SP140L: variants seen among roughly 807,000 people sequenced by gnomAD.
SP140L encodes the protein SP140 like nuclear body protein.
In SP140L, 64 loss-of-function variants were observed where a neutral mutation model predicts 84.3. The ratio of observed to expected loss-of-function variants is 0.76; its 90% CI spans 0.62 to 0.94. The LOEUF (loss-of-function observed/expected upper bound fraction) is 0.94. Among genes scored for constraint, SP140L ranks in the 40% least tolerant of loss-of-function variants. The pLI is 0.00. For missense variants in SP140L, 628 were observed against 692.5 expected (o/e 0.91, Z 1.05); for synonymous variants, 242 against 236.9 (o/e 1.02, Z -0.20).
chr2:230,396,006 T>A (rs981912364), intron 13 of SP140L, among the ~76,000 whole-genome samples: 1 of 152,220 alleles, frequency 6.6e-6, no homozygotes, highest in African/African-American at 2.4e-5. Context: ...TGGGACACTT[T>A]CATGGCCTCC....
At position 230,370,902 on chromosome 2, in the gene SP140L, T is replaced by C. The variant is rs749643571; in HGVS notation, c.524-6T>C. 1.2e-6 allele frequency: 2 copies of C among 1,613,286 alleles called. No homozygotes were observed. Among genetic ancestry groups the C allele is most frequent in the Admixed American group, 3.3e-5 (2 of 59,868 alleles). ...GAGAAGTGTTCCTATGTCATGTGTT[T>C]CTCAGGAGAAGTGCCAGAAAGCCCG... On this transcript the variant is annotated splice_region_variant and splice_polypyrimidine_tract_variant and intron_variant, in intron 5 of 18. Transcript: ENST00000415673.
At chr2:230,400,270 C>T in intron 15 of SP140L, 28 bp downstream of exon 15, 1 of 1,609,424 alleles carries the variant, frequency 6.2e-7, no homozygotes, top group Non-Finnish European at 8.5e-7. Context: ...ACCTCTCTTT[C>T]ATCCTTTAAG....
chr2:230,334,979 G>T (rs2059827595), intron 2 of SP140L, among the ~76,000 whole-genome samples: 1 of 151,934 alleles, frequency 6.6e-6, no homozygotes, highest in Non-Finnish European at 1.5e-5. Flanking sequence ...GTAGAAAGTT[G>T]TATCGAAATT....
At chr2:230,358,632 CCA>C (rs1345946890) in intron 3 of SP140L, among the ~76,000 whole-genome samples, 1 of 152,110 alleles carries the variant, frequency 6.6e-6, no homozygotes, top group Non-Finnish European at 1.5e-5. Context: ...AACAAAACAG[CCA>C]CTCATTGATT....
rs1395327196 is a variant in SP140L at position 230,327,197 on chromosome 2, T to C, written c.-73T>C. 4 of 1,531,996 alleles carry C rather than the reference T, an allele frequency of 2.6e-6. No homozygotes were observed. The highest frequency in any genetic ancestry group is 3.6e-6 in the Non-Finnish European group (4 of 1,125,540). 94.9% of individuals were successfully genotyped at this position (1,531,996 alleles called of 1,614,324 possible). Reference sequence around the variant, plus strand: ...CTGCTCCGGGTCAGGGCAGCCACACTGCACGCAGGCTGGGCCGACTGGGGA... The same window carrying C: ...CTGCTCCGGGTCAGGGCAGCCACACCGCACGCAGGCTGGGCCGACTGGGGA... On this transcript the variant is annotated 5_prime_UTR_variant, in exon 1 of 19. Transcript: ENST00000415673.
At chr2:230,346,652 T>A (rs2060218089) in intron 2 of SP140L, among the ~76,000 whole-genome samples, 1 of 152,210 alleles carries the variant, frequency 6.6e-6, no homozygotes, top group Admixed American at 6.5e-5. Flanking sequence ...TTTCTTCTGC[T>A]TAAGTAAGCT....
Position 230,401,433 on chromosome 2 carries a change from A to G in SP140L, c.1490A>G (p.Tyr497Cys), listed in dbSNP as rs1313432915. 3.6e-5 allele frequency: 55 copies of G among 1,530,612 alleles called. No homozygotes were observed. The highest frequency in any genetic ancestry group is 5.5e-5 in the Admixed American group (3 of 54,428). 94.8% of individuals were successfully genotyped at this position (1,530,612 alleles called of 1,614,324 possible). The change falls in exon 17 of 19, where the codon TAC (tyrosine) becomes TGC (cysteine). Residue 497 changes from tyrosine to cysteine, a missense_variant. Physicochemically the swap from Tyr to Cys is radical, Grantham distance 194 (BLOSUM62 -2). This residue lies in a region of SP140L where 52 missense variants were observed against 87.0 expected (regional missense o/e 0.60). Transcript: ENST00000415673. ...AGCTCCTTTTTTGCCAAGATTCCATACTATTATTATGTAAGTAACAACAGC... is the reference window on the plus strand; with the variant it reads ...AGCTCCTTTTTTGCCAAGATTCCATGCTATTATTATGTAAGTAACAACAGC... ...SESSFFAKIP[Y>C]YYYIREACQG... is the part of the protein sequence containing the mutation.
At chr2:230,397,048 G>C (rs1018748566) in intron 14 of SP140L, among the ~76,000 whole-genome samples, 1 of 152,164 alleles carries the variant, frequency 6.6e-6, no homozygotes, top group Non-Finnish European at 1.5e-5. Context: ...ATTCCCTTGG[G>C]TAGTGAGTAT....
intron 15 of SP140L, chr2:230,400,708 G>A: frequency 1.2e-6 from 1 of 840,204 alleles, no homozygotes; most frequent in South Asian, 1.8e-5. Flanking sequence ...CTCAGACAGG[G>A]AAAGGATAGT....
At chr2:230,356,507 A>G (rs4972949) in intron 2 of SP140L, among the ~76,000 whole-genome samples, 18,553 of 152,278 alleles carry the variant, frequency 0.12, 1,178 homozygotes, top group Middle Eastern at 0.15. Context: ...GCTCATTTAT[A>G]TGAAATCCAA....
At chr2:230,376,009 T>A (rs1366631668) in intron 7 of SP140L, among the ~76,000 whole-genome samples, 1 of 152,208 alleles carries the variant, frequency 6.6e-6, no homozygotes, top group Non-Finnish European at 1.5e-5. Context: ...AGTTTTTCCC[T>A]GTTTTCTTCT....
At chr2:230,359,988 T>TTGGTATTGGTGCTATACCAAACTAAAGTG (rs1210965833) in intron 4 of SP140L, among the ~76,000 whole-genome samples, 4 of 151,196 alleles carry the variant, frequency 2.6e-5, no homozygotes, top group Admixed American at 1.3e-4. Flanking sequence ...AAACTAAAGT[T>TTGGTATTGGTGCTATACCAAACTAAAGTG]TTGATTCTTG....
chr2:230,348,847 T>C (rs1157943535), intron 2 of SP140L, among the ~76,000 whole-genome samples: 3 of 152,370 alleles, frequency 2.0e-5, no homozygotes, highest in Admixed American at 2.0e-4. Context: ...CCATTTTTGC[T>C]CTTTTAGAAG....
chr2:230,337,506 C>A (rs918483006), intron 2 of SP140L, among the ~76,000 whole-genome samples: 8 of 150,936 alleles, frequency 5.3e-5, no homozygotes, highest in African/African-American at 1.9e-4. Flanking sequence ...TAATTAGATC[C>A]CATTTGTCAA....
chr2:230,346,048 G>T (rs73110337), intron 2 of SP140L, among the ~76,000 whole-genome samples: 22,433 of 152,060 alleles, frequency 0.15, 1,831 homozygotes, highest in African/African-American at 0.21. Context: ...CACTTTAGCA[G>T]TTCTTGTAAG....
chr2:230,371,764 G>T (rs2061081073), intron 7 of SP140L, 113 bp downstream of exon 7: 2 of 1,037,900 alleles, frequency 1.9e-6, no homozygotes, highest in South Asian at 1.4e-5. Context: ...TACTGTGGTA[G>T]AGAGAATGAT....
At chr2:230,378,650 A>G (rs2061321112) in intron 7 of SP140L, among the ~76,000 whole-genome samples, 1 of 152,212 alleles carries the variant, frequency 6.6e-6, no homozygotes, top group Non-Finnish European at 1.5e-5. Context: ...GTGGAAAACA[A>G]TATGAATTGA....
intron 2 of SP140L, among the ~76,000 whole-genome samples, chr2:230,330,756 G>A (rs1306025514): frequency 6.6e-6 from 1 of 152,050 alleles, no homozygotes; most frequent in African/African-American, 2.4e-5. Flanking sequence ...CACTTTCTGA[G>A]GTTTCATTTA....
At chr2:230,388,132 T>G (rs549172265) in intron 9 of SP140L, among the ~76,000 whole-genome samples, 1 of 152,322 alleles carries the variant, frequency 6.6e-6, no homozygotes, top group East Asian at 1.9e-4. Flanking sequence ...TTTTAGTCTC[T>G]GTAATGACAG....
Sources: allele counts gnomAD v4.1 joint callset (sites outside exome capture counted in the v4.1 genomes callset), GRCh38; gene constraint gnomAD v4.1.1; regional missense constraint gnomAD v4.1.1; transcripts MANE v1.5; gene names NCBI Gene and HGNC (gene_info 2026-07-23, HGNC 2026-07-21).